Variants in PKIG observed in about 807,000 individuals in gnomAD.
PKIG encodes protein kinase (cAMP-dependent, catalytic) inhibitor gamma.
A neutral mutation model predicts 6.8 loss-of-function variants in PKIG; 1 was observed. The observed-to-expected ratio is 0.15, with a 90% CI of 0.05 to 0.69. The LOEUF is 0.69. Among genes scored for constraint, PKIG ranks in the 30% least tolerant of loss-of-function variants. The pLI is 0.82. For missense variants in PKIG, 77 were observed against 104.0 expected (o/e 0.74, Z 1.13); for synonymous variants, 39 against 43.0 (o/e 0.91, Z 0.36).
At chr20:44,569,446 G>T (rs1234664538) in intron 1 of PKIG, among the ~76,000 whole-genome samples, 5 of 152,066 alleles carry the variant, frequency 3.3e-5, no homozygotes, top group Admixed American at 1.3e-4. Flanking sequence ...ATATAGCGAT[G>T]AAAGTAAAAA....
intron 1 of PKIG, among the ~76,000 whole-genome samples, chr20:44,552,923 CTG>C (rs2064681739): frequency 2.0e-5 from 3 of 152,110 alleles, no homozygotes; most frequent in African/African-American, 7.2e-5. Context: ...TGCTGATTAA[CTG>C]TTCCCTTTTT....
At chr20:44,549,897 C>G (rs184483836) in intron 1 of PKIG, among the ~76,000 whole-genome samples, 110 of 152,066 alleles carry the variant, frequency 7.2e-4, no homozygotes, top group Non-Finnish European at 5.9e-5. Flanking sequence ...GAATTCTTTA[C>G]TTTTCTTTGA....
chr20:44,577,966 A>G (rs1157086129), upstream of PKIG, among the ~76,000 whole-genome samples: 1 of 152,146 alleles, frequency 6.6e-6, no homozygotes, highest in African/African-American at 2.4e-5. Flanking sequence ...TCTCTCATGA[A>G]TGGCGTGATC....
intron 1 of PKIG, among the ~76,000 whole-genome samples, chr20:44,548,870 A>ACACG (rs1363003171): frequency 1.4e-5 from 2 of 139,414 alleles, no homozygotes; most frequent in African/African-American, 5.9e-5. Context: ...ACACACACAC[A>ACACG]CACACACACA....
chr20:44,552,380 C>T (rs915380138), intron 1 of PKIG, among the ~76,000 whole-genome samples: 2 of 152,134 alleles, frequency 1.3e-5, no homozygotes, highest in Admixed American at 6.5e-5. Context: ...TTATGTGTGG[C>T]GGGCCTTGTT....
At chr20:44,603,588 G>A (rs1373471538) in intron 2 of PKIG, among the ~76,000 whole-genome samples, 3 of 152,200 alleles carry the variant, frequency 2.0e-5, no homozygotes, top group African/African-American at 7.2e-5. Flanking sequence ...TGGACCGGGA[G>A]TTAGGACCGC....
At chr20:44,548,191 C>A (rs533223806) in intron 1 of PKIG, among the ~76,000 whole-genome samples, 15 of 152,052 alleles carry the variant, frequency 9.9e-5, no homozygotes, top group African/African-American at 2.4e-4. Context: ...AACAAAAAAA[C>A]CCAAAAAAGG....
chr20:44,618,153 GTCCAGC>G (rs3091951), intron 3 of PKIG, 126 bp from the exon 4 acceptor site: 37,073 of 644,428 alleles, frequency 0.058, 2,023 homozygotes, highest in African/African-American at 0.31. Flanking sequence ...CACCACCTCA[GTCCAGC>G]TCCAGCTCGT....
At chr20:44,586,839 T>A (rs2064993780) in intron 1 of PKIG, among the ~76,000 whole-genome samples, 1 of 152,254 alleles carries the variant, frequency 6.6e-6, no homozygotes, top group South Asian at 2.1e-4. Context: ...GCTCCTATGC[T>A]GACTGATTAT....
At chr20:44,587,690 C>T (rs944464953) in intron 1 of PKIG, among the ~76,000 whole-genome samples, 1 of 152,086 alleles carries the variant, frequency 6.6e-6, no homozygotes, top group African/African-American at 2.4e-5. Flanking sequence ...TAAATCATCA[C>T]TCAGTGATTT....
chr20:44,615,333 C>T (rs1600906584), intron 3 of PKIG, among the ~76,000 whole-genome samples: 1 of 152,350 alleles, frequency 6.6e-6, no homozygotes, highest in East Asian at 1.9e-4. Context: ...AGTGCTAGAT[C>T]AGCCTTCCCC....
chr20:44,596,432 G>C (rs1035597963), intron 2 of PKIG, among the ~76,000 whole-genome samples: 2 of 152,174 alleles, frequency 1.3e-5, no homozygotes, highest in African/African-American at 4.8e-5. Context: ...TGGAGGTGTG[G>C]GGGGAGGGCT....
At chr20:44,533,070 A>G (rs533883183) in intron 1 of PKIG, among the ~76,000 whole-genome samples, 21 of 152,302 alleles carry the variant, frequency 1.4e-4, no homozygotes, top group Admixed American at 9.8e-4. Context: ...GATCAGAGGT[A>G]TAGTTTCAGA....
chr20:44,590,519 T>G (rs563074143), intron 2 of PKIG, among the ~76,000 whole-genome samples: 10 of 152,184 alleles, frequency 6.6e-5, no homozygotes, highest in Non-Finnish European at 1.5e-4. Flanking sequence ...AAACTCAGGG[T>G]AACATAATAA....
At chr20:44,584,263 T>C (rs2064971247) in intron 1 of PKIG, among the ~76,000 whole-genome samples, 1 of 152,182 alleles carries the variant, frequency 6.6e-6, no homozygotes, top group Non-Finnish European at 1.5e-5. Flanking sequence ...CTTCTCTGCG[T>C]GTCTGTCTAG....
At chr20:44,536,832 A>T (rs1444762861) in intron 1 of PKIG, among the ~76,000 whole-genome samples, 1 of 152,238 alleles carries the variant, frequency 6.6e-6, no homozygotes, top group Non-Finnish European at 1.5e-5. Context: ...CTTTTATTTG[A>T]GATGAACCTT....
At chr20:44,570,781 G>C (rs244116) in intron 1 of PKIG, among the ~76,000 whole-genome samples, 2 of 152,178 alleles carry the variant, frequency 1.3e-5, no homozygotes. Context: ...CTGTATGGAC[G>C]CTTAACAGAA....
chr20:44,614,693 C>T lies in PKIG; in HGVS notation c.137C>T (p.Ala46Val), dbSNP rs2065248389. 1 of 1,613,646 alleles carries T rather than the reference C, an allele frequency of 6.2e-7. No individual in the cohort carries two copies. The highest frequency in any genetic ancestry group is 8.5e-7 in the Non-Finnish European group (1 of 1,180,018). The change falls in exon 3 of 4, where the codon GCA (alanine) becomes GTA (valine). Residue 46 changes from alanine (A) to valine (V), a missense_variant. Ala to Val is a moderately conservative substitution (Grantham distance 64). Coordinates refer to ENST00000372886, the MANE Select transcript of PKIG (RefSeq NM_001281445.2). The surrounding 1 kb of genome is among the most constrained non-coding windows in gnomAD (Gnocchi z 4.6). The part of the protein sequence containing the change: ...RKLAGDMGEL[A>V]LEGAEGQVEG... Reference sequence around the variant, plus strand: ...CTGGCTGGAGACATGGGCGAGCTGGCACTCGAGGGGGCAGGTTAGAGCCAG... The same window carrying T: ...CTGGCTGGAGACATGGGCGAGCTGGTACTCGAGGGGGCAGGTTAGAGCCAG...
At chr20:44,607,396 T>TTTG (rs2065175083) in intron 2 of PKIG, among the ~76,000 whole-genome samples, 1 of 141,266 alleles carries the variant, frequency 7.1e-6, no homozygotes, top group African/African-American at 2.6e-5. Context: ...TTTTTTTTTT[T>TTTG]GAAATAGAGT....
Sources: gnomAD v4.1 joint callset for allele counts (sites outside exome capture counted in the v4.1 genomes callset) on GRCh38, gnomAD v4.1.1 for gene constraint, Gnocchi (gnomAD v3.1) non-coding constraint, MANE v1.5 for transcripts, NCBI Gene and HGNC (gene_info 2026-07-23, HGNC 2026-07-21) for gene names.